The following CLIP4 variants were observed in gnomAD, a reference collection of about 807,000 sequenced individuals.
The protein encoded by CLIP4 is CAP-Gly domain-containing linker protein 4.
CLIP4 carries 47 observed loss-of-function variants against 73.1 expected under a neutral mutation model. The ratio of observed to expected loss-of-function variants is 0.64; its 90% CI spans 0.51 to 0.82. CLIP4 has a LOEUF of 0.82. Among genes scored for constraint, CLIP4 ranks in the 40% least tolerant of loss-of-function variants. The pLI, the probability that CLIP4 is intolerant of heterozygous loss-of-function variation, is 0.00. For missense variants in CLIP4, 874 were observed against 852.9 expected (o/e 1.02, Z -0.31); for synonymous variants, 306 against 295.4 (o/e 1.04, Z -0.37).
At chr2:29,104,628 A>C (rs928279205) in intron 1 of CLIP4, among the ~76,000 whole-genome samples, 2 of 152,094 alleles carry the variant, frequency 1.3e-5, no homozygotes, top group African/African-American at 2.4e-5. Context: ...GACTGTGTGG[A>C]GCTCATGCTT....
chr2:29,175,593 T>C (rs534141796), intron 15 of CLIP4: 2 of 152,164 alleles, frequency 1.3e-5, no homozygotes, highest in African/African-American at 2.4e-5. Context: ...CTGGGAATTA[T>C]ACAGCAGGTA....
chr2:29,134,603 AAG>A (rs36001613), intron 5 of CLIP4, among the ~76,000 whole-genome samples: 50,573 of 151,758 alleles, frequency 0.33, 10,136 homozygotes, highest in East Asian at 0.67. Context: ...TTAATAATTC[AAG>A]AGAGTTTGTC....
At position 29,143,926 on chromosome 2, in the gene CLIP4, T is replaced by C. The variant is rs1234105770; in HGVS notation, c.866T>C (p.Val289Ala). ...CTTGGCCTGAAGTTGGGGGATCGTG[T>C]TGTTATTGCAGGACAGAAGGTACAG... is the stretch of plus-strand genomic sequence containing the variant. ...TSLGLKLGDR[V>A]VIAGQKVGTL... Residue 289 changes from valine (V) to alanine (A), a missense_variant, in exon 7 of 16, where the codon GTT becomes GCT. Coordinates refer to ENST00000320081, the MANE Select transcript of CLIP4 (RefSeq NM_024692.6). The C allele has an allele frequency of 1.9e-6, 3 of 1,614,018 alleles. No homozygotes were observed. Among genetic ancestry groups the C allele is most frequent in the Non-Finnish European group, 2.5e-6 (3 of 1,179,976 alleles).
At chr2:29,115,157 T>G (rs921453012), upstream of CLIP4, 12 of 152,402 alleles carry the variant, frequency 7.9e-5, no homozygotes, top group Admixed American at 7.2e-4. The surrounding 1 kb of genome is among the most constrained non-coding windows in gnomAD (Gnocchi z 5.1). Flanking sequence ...CGGGTAAGAC[T>G]AGGTCCCCGG....
chr2:29,099,959 G>A (rs190484693), intron 1 of CLIP4, among the ~76,000 whole-genome samples: 194 of 152,168 alleles, frequency 1.3e-3, no homozygotes, highest in Non-Finnish European at 2.3e-3. Flanking sequence ...AATGTAAATG[G>A]TATTGTGTTT....
intron 1 of CLIP4, among the ~76,000 whole-genome samples, chr2:29,107,402 C>T (rs1454672672): frequency 1.2e-4 from 11 of 91,996 alleles, no homozygotes. Context: ...GATGGAGTCT[C>T]ACTCTGTCGC....
In CLIP4 at chr2:29,183,634, A is replaced by G. The variant is rs1035820732; in HGVS notation, c.*1741A>G. On this transcript the variant is annotated 3_prime_UTR_variant, in exon 16 of 16. Transcript: ENST00000320081. ...AACATTGAATTTATTTTTGAGGTCAAAGAACCAGTTGTTCTCTTTATATTT... is the reference window on the plus strand; with the variant it reads ...AACATTGAATTTATTTTTGAGGTCAGAGAACCAGTTGTTCTCTTTATATTT... The G allele has an allele frequency of 1.3e-5, 2 of 152,676 alleles. No homozygotes were observed. The highest frequency in any genetic ancestry group is 4.8e-5 in the African/African-American group (2 of 41,470). The allele number at this position is 152,676 out of a possible 1,614,324, so 9.5% of individuals were successfully genotyped here. A position where few individuals can be genotyped will look rare whatever the true frequency, so the allele number is the denominator to read the frequency against.
In CLIP4 at chr2:29,145,382, A is replaced by G. The variant is rs1029036264; in HGVS notation, c.1021+15A>G. 4 of 1,573,790 alleles carry G rather than the reference A, an allele frequency of 2.5e-6. No homozygotes were observed. The African/African-American group carries it at 4.1e-5, about 16-fold the overall frequency. On this transcript the variant is annotated intron_variant, in intron 8 of 15. Coordinates refer to ENST00000320081, the MANE Select transcript of CLIP4 (RefSeq NM_024692.6). ...CCCCAAGTATGGTAAGGTTGATATT[A>G]TTTAACTCGGTAAGAATTAATTAAA...
At chr2:29,100,418 A>G (rs572431109) in intron 1 of CLIP4, among the ~76,000 whole-genome samples, 2 of 152,238 alleles carry the variant, frequency 1.3e-5, no homozygotes, top group Admixed American at 6.5e-5. Context: ...GAGAATCCCT[A>G]TGTGCCCCCC....
intron 14 of CLIP4, among the ~76,000 whole-genome samples, chr2:29,169,849 T>G (rs1667891562): frequency 6.6e-6 from 1 of 152,144 alleles, no homozygotes; most frequent in Non-Finnish European, 1.5e-5. Context: ...ATACTAGAAC[T>G]TATCCCTTCT....
intron 1 of CLIP4, among the ~76,000 whole-genome samples, chr2:29,104,757 A>G (rs1208744267): frequency 1.3e-5 from 2 of 152,230 alleles, no homozygotes; most frequent in African/African-American, 4.8e-5. Flanking sequence ...GGCGATTGCT[A>G]TCAGCAACAA....
At chr2:29,129,056 A>G (rs886472469) in intron 2 of CLIP4, among the ~76,000 whole-genome samples, 2 of 152,188 alleles carry the variant, frequency 1.3e-5, no homozygotes, top group African/African-American at 4.8e-5. Flanking sequence ...TGTTTTGAAC[A>G]ATTATGCTTG....
chr2:29,175,795 T>C (rs1158098522), intron 15 of CLIP4, among the ~76,000 whole-genome samples: 1 of 152,206 alleles, frequency 6.6e-6, no homozygotes, highest in African/African-American at 2.4e-5. Context: ...AGAGTCTTGC[T>C]CTGTCACCCA....
intron 2 of CLIP4, among the ~76,000 whole-genome samples, chr2:29,123,039 T>G (rs911503302): frequency 7.9e-5 from 12 of 152,184 alleles, no homozygotes; most frequent in African/African-American, 2.9e-4. Flanking sequence ...GTAATAAAAT[T>G]GTTTTCGTAT....
At position 29,163,866 on chromosome 2, in the gene CLIP4, G is replaced by A; in HGVS notation, c.1570G>A (p.Gly524Ser). 3 of 1,613,610 alleles carry A rather than the reference G, an allele frequency of 1.9e-6. No homozygotes were observed. The highest frequency in any genetic ancestry group is 2.5e-6 in the Non-Finnish European group (3 of 1,179,638). The change falls in exon 13 of 16, where the codon GGC (glycine) becomes AGC (serine). Residue 524 changes from glycine (G) to serine (S), a missense_variant. Transcript: ENST00000320081. ...TGGTATAGAGCTTGAAAAACCCCATGGCAAGAATGATGGTTCAGTTGGAGG... is the reference window on the plus strand; with the variant it reads ...TGGTATAGAGCTTGAAAAACCCCATAGCAAGAATGATGGTTCAGTTGGAGG... ...WYGIELEKPH[G>S]KNDGSVGGVQ...
chr2:29,144,061 A>C, intron 7 of CLIP4, 116 bp downstream of exon 7: 1 of 754,904 alleles, frequency 1.3e-6, no homozygotes, highest in Non-Finnish European at 2.3e-6. Flanking sequence ...ATGTAGGTAG[A>C]AAGATGCTTA....
At position 29,133,621 on chromosome 2, in the gene CLIP4, A is replaced by G. The variant is rs777388878; in HGVS notation, c.368-34A>G. 4 of 1,577,102 alleles carry G rather than the reference A, an allele frequency of 2.5e-6. No homozygotes were observed. In the South Asian group the frequency reaches 4.8e-5, roughly 19 times the overall value. ...CCATCCATTGGAACTTAAAATTTGT[A>G]CTAAAGGAAAGTAATTTAGAAAATC... On this transcript the variant is annotated intron_variant, in intron 4 of 15. Coordinates refer to ENST00000320081, the MANE Select transcript of CLIP4 (RefSeq NM_024692.6).
Position 29,160,420 on chromosome 2 carries a change from A to G in CLIP4, c.1487A>G (p.Gln496Arg). The change falls in exon 12 of 16, where the codon CAG (glutamine) becomes CGG (arginine). Residue 496 changes from glutamine (Q) to arginine (R), a missense_variant. Physicochemically the swap from Gln to Arg is conservative, Grantham distance 43 (BLOSUM62 1). Coordinates refer to ENST00000320081, the MANE Select transcript of CLIP4 (RefSeq NM_024692.6). Reference protein sequence around the residue: ...RLGERVLVVGQRLGTIRFFGT... With the variant: ...RLGERVLVVGRRLGTIRFFGT... ...GGAGAGAGAGTGTTAGTGGTAGGACAGAGACTGGGCACCATTAGGTTCTTT... is the reference window on the plus strand; with the variant it reads ...GGAGAGAGAGTGTTAGTGGTAGGACGGAGACTGGGCACCATTAGGTTCTTT... 1 of 1,614,204 alleles carries G rather than the reference A, an allele frequency of 6.2e-7. No homozygotes were observed. Among genetic ancestry groups the G allele is most frequent in the Non-Finnish European group, 8.5e-7 (1 of 1,180,024 alleles).
intron 1 of CLIP4, among the ~76,000 whole-genome samples, chr2:29,118,730 G>A (rs538737265): frequency 6.6e-6 from 1 of 152,190 alleles, no homozygotes; most frequent in Non-Finnish European, 1.5e-5. Context: ...ATGTTGGTCA[G>A]GCTGGTCTCG....
Sources: allele counts gnomAD v4.1 joint callset (sites outside exome capture counted in the v4.1 genomes callset), GRCh38; gene constraint gnomAD v4.1.1; non-coding constraint Gnocchi (gnomAD v3.1); transcripts MANE v1.5; gene names NCBI Gene and HGNC (gene_info 2026-07-23, HGNC 2026-07-21).